Variants in IFFO2 observed in about 807,000 individuals in gnomAD.
The protein encoded by IFFO2 is intermediate filament family orphan 2.
In IFFO2, 19 loss-of-function variants were observed where a neutral mutation model predicts 53.5. The observed-to-expected ratio is 0.36, with a 90% CI of 0.25 to 0.52. The LOEUF (loss-of-function observed/expected upper bound fraction) is 0.52, where lower values mean the gene tolerates loss of function less well. Among genes scored for constraint, IFFO2 ranks in the 20% least tolerant of loss-of-function variants. The pLI is 0.94. For synonymous variants in IFFO2, 303 were observed against 313.6 expected, an observed-to-expected ratio of 0.97 and a Z score of 0.36; for missense variants, 570 against 727.4, an observed-to-expected ratio of 0.78 and a Z score of 2.49.
At position 18,907,351 on chromosome 1, in the gene IFFO2, G is replaced by C. The variant is rs944609637; in HGVS notation, c.*1210C>G. On this transcript the variant is annotated 3_prime_UTR_variant, in exon 9 of 9. Coordinates refer to ENST00000455833, the MANE Select transcript of IFFO2 (RefSeq NM_001136265.2). ...GAGGGAACTGCTGAGAGCGGCTTGC[G>C]TGTGTCGAGGAGCAGAAAGAGGATG... The C allele has an allele frequency of 2.0e-5, 3 of 152,192 alleles. No homozygotes were observed. The highest frequency in any genetic ancestry group is 4.4e-5 in the Non-Finnish European group (3 of 68,050). The allele number at this position is 152,192 out of a possible 1,614,324, so 9.4% of individuals were successfully genotyped here.
rs779737508 is a variant in IFFO2, at chr1:18,918,531, A to G, written c.823-29T>C. ...CAGGGAGGACAGCAGGGTTTACATG[A>G]GCGAGGGATGGAGCAAGCCTGGGGG... On this transcript the variant is annotated intron_variant, in intron 3 of 8. Coordinates refer to ENST00000455833, the MANE Select transcript of IFFO2 (RefSeq NM_001136265.2). The surrounding 1 kb of genome is among the most constrained non-coding windows in gnomAD (Gnocchi z 5.2). The G allele has an allele frequency of 3.2e-6, 5 of 1,550,286 alleles. No individual in the cohort carries two copies. The African/African-American group carries it at 6.9e-5, about 21-fold the overall frequency.
At chr1:18,939,861 G>C (rs375826889) in intron 1 of IFFO2, among the ~76,000 whole-genome samples, 1 of 152,230 alleles carries the variant, frequency 6.6e-6, no homozygotes, top group Admixed American at 6.5e-5. Flanking sequence ...TGGACGGCCC[G>C]TCTCAGAAAG....
intron 1 of IFFO2, among the ~76,000 whole-genome samples, chr1:18,935,489 C>T (rs1936436200): frequency 6.6e-6 from 1 of 152,096 alleles, no homozygotes; most frequent in Non-Finnish European, 1.5e-5. Context: ...CACCCCTTCC[C>T]CTTTGTCCTT....
chr1:18,910,635 C>G (rs1018205952), intron 7 of IFFO2, among the ~76,000 whole-genome samples, 163 bp from the exon 8 acceptor site: 1 of 152,216 alleles, frequency 6.6e-6, no homozygotes, highest in Non-Finnish European at 1.5e-5. Context: ...CCCTCACCCT[C>G]TGCTCTCTGC....
rs1936177194 is a variant in IFFO2 at position 18,919,084 on chromosome 1, T to G, written c.823-582A>C. Among the ~76,000 whole-genome samples the G allele has an allele frequency of 6.6e-6, 1 of 152,174 alleles. No individual in the cohort carries two copies. The highest frequency in any genetic ancestry group is 1.5e-5 in the Non-Finnish European group (1 of 68,032). ...CACCCACGTTCTGGCCCCTTCTGCCTTCTGGTGGGGTCTCCCCCTGTACTG... is the reference window on the plus strand; with the variant it reads ...CACCCACGTTCTGGCCCCTTCTGCCGTCTGGTGGGGTCTCCCCCTGTACTG... On this transcript the variant is annotated intron_variant, in intron 3 of 8. Transcript: ENST00000455833. The surrounding 1 kb of genome is among the most constrained non-coding windows in gnomAD (Gnocchi z 4.9).
chr1:18,944,421 C>T (rs921806078), intron 1 of IFFO2, among the ~76,000 whole-genome samples: 3 of 152,028 alleles, frequency 2.0e-5, no homozygotes, highest in Non-Finnish European at 2.9e-5. Flanking sequence ...GCCAAGCCTC[C>T]CCCCAGCCCC....
intron 5 of IFFO2, among the ~76,000 whole-genome samples, chr1:18,913,749 C>T (rs1313109821): frequency 2.6e-5 from 4 of 152,144 alleles, no homozygotes; most frequent in Non-Finnish European, 2.9e-5. Flanking sequence ...GTCAGGGCGG[C>T]CCACACAGAA....
At chr1:18,948,151 C>A (rs186695955) in intron 1 of IFFO2, among the ~76,000 whole-genome samples, 1 of 152,220 alleles carries the variant, frequency 6.6e-6, no homozygotes, top group Non-Finnish European at 1.5e-5. Flanking sequence ...GCTCAATAAA[C>A]GGAAGCATTA....
intron 1 of IFFO2, among the ~76,000 whole-genome samples, chr1:18,943,212 ATTT>A (rs1017324476): frequency 6.6e-6 from 1 of 151,592 alleles, no homozygotes; most frequent in African/African-American, 2.4e-5. Context: ...AACAAAAATT[ATTT>A]TTTTTAAAAA....
At position 18,935,418 on chromosome 1, in the gene IFFO2, CT is replaced by C. The variant is rs1240926581; in HGVS notation, c.666-14298del. Among the ~76,000 whole-genome samples the C allele has an allele frequency of 7.9e-5, 12 of 152,094 alleles. No homozygotes were observed. In the East Asian group the frequency reaches 2.1e-3, roughly 27 times the overall value. The stretch of plus-strand genomic sequence containing the variant: ...CATCCCCCCAACACCTCCAGCCCCC[CT>C]GTGCCAAGCTCCATCACACCTCCAA... On this transcript the variant is annotated intron_variant, in intron 1 of 8. Coordinates refer to ENST00000455833, the MANE Select transcript of IFFO2 (RefSeq NM_001136265.2).
intron 1 of IFFO2, among the ~76,000 whole-genome samples, chr1:18,926,067 TGG>T (rs1300240821): frequency 6.7e-3 from 732 of 109,068 alleles, no homozygotes; most frequent in South Asian, 0.013. Context: ...GTTGGATGGA[TGG>T]ATGGATGGAT....
intron 5 of IFFO2, among the ~76,000 whole-genome samples, chr1:18,912,725 G>T (rs60350595): frequency 0.032 from 4,848 of 152,154 alleles, 246 homozygotes; most frequent in African/African-American, 0.1. Context: ...TATGAGGTAA[G>T]CATAACTATC....
intron 5 of IFFO2, among the ~76,000 whole-genome samples, chr1:18,913,512 G>C (rs1170828263): frequency 6.6e-6 from 1 of 152,248 alleles, no homozygotes; most frequent in Non-Finnish European, 1.5e-5. Context: ...CTGCGGAGTG[G>C]GGCTGAGGAG....
intron 1 of IFFO2, among the ~76,000 whole-genome samples, chr1:18,941,394 C>T (rs1156578912): frequency 6.6e-6 from 1 of 152,222 alleles, no homozygotes; most frequent in African/African-American, 2.4e-5. Context: ...ACAAAGCAGC[C>T]TTTGTCTCAC....
intron 1 of IFFO2, among the ~76,000 whole-genome samples, chr1:18,925,059 A>C (rs1936264373): frequency 6.6e-6 from 1 of 151,640 alleles, no homozygotes; most frequent in South Asian, 2.1e-4. Context: ...CAGCTCATAA[A>C]ACTTCCAAAT....
intron 1 of IFFO2, among the ~76,000 whole-genome samples, chr1:18,923,821 G>A (rs1936246699): frequency 6.6e-6 from 1 of 152,128 alleles, no homozygotes; most frequent in Non-Finnish European, 1.5e-5. Flanking sequence ...GTGATGCTGG[G>A]CTACAGATGG....
chr1:18,926,204 A>T (rs925466079), intron 1 of IFFO2, among the ~76,000 whole-genome samples: 1 of 152,206 alleles, frequency 6.6e-6, no homozygotes, highest in Non-Finnish European at 1.5e-5. Context: ...CTCCAGACAG[A>T]ACTCCTTTCC....
At chr1:18,950,783 G>A (rs1433159450) in intron 1 of IFFO2, among the ~76,000 whole-genome samples, 1 of 152,146 alleles carries the variant, frequency 6.6e-6, no homozygotes, top group Non-Finnish European at 1.5e-5. Flanking sequence ...ATGGGCGGGG[G>A]ACACTCCAGC....
At chr1:18,912,258 T>C (rs1936052778) in intron 5 of IFFO2, among the ~76,000 whole-genome samples, 175 bp from the exon 6 acceptor site, 1 of 152,218 alleles carries the variant, frequency 6.6e-6, no homozygotes, top group Non-Finnish European at 1.5e-5. Flanking sequence ...AGTTTAACTC[T>C]TTTAAAATGC....
Sources: gnomAD v4.1 joint callset for allele counts (sites outside exome capture counted in the v4.1 genomes callset) on GRCh38, gnomAD v4.1.1 for gene constraint, Gnocchi (gnomAD v3.1) non-coding constraint, MANE v1.5 for transcripts, NCBI Gene and HGNC (gene_info 2026-07-23, HGNC 2026-07-21) for gene names.